NRG3: variants seen among roughly 807,000 people sequenced by gnomAD.
NRG3 encodes pro-neuregulin-3, membrane-bound isoform.
A neutral mutation model predicts 66.9 loss-of-function variants in NRG3; 31 were observed. That is an observed-to-expected ratio of 0.46 (90% confidence interval 0.35 to 0.63). The LOEUF (loss-of-function observed/expected upper bound fraction) is 0.63, where lower values mean the gene tolerates loss of function less well. Among genes scored for constraint, NRG3 ranks in the 20% least tolerant of loss-of-function variants. NRG3 has a pLI of 0.00. For synonymous variants in NRG3, 393 were observed against 359.4 expected (o/e 1.09, Z -1.06); for missense variants, 910 against 878.9 (o/e 1.04, Z -0.45).
At chr10:82,599,580 C>G (rs1167603497) in intron 2 of NRG3, among the ~76,000 whole-genome samples, 3 of 152,050 alleles carry the variant, frequency 2.0e-5, no homozygotes, top group East Asian at 1.9e-4. Context: ...TTTGGGAGAC[C>G]GAGGCAAGTG....
chr10:82,211,452 C>A (rs1163332656), intron 1 of NRG3, among the ~76,000 whole-genome samples: 3 of 152,070 alleles, frequency 2.0e-5, no homozygotes, highest in African/African-American at 7.2e-5. Context: ...GTTTGTTTTG[C>A]TTTCAAGAGA....
chr10:82,089,506 G>C (rs78959671), intron 1 of NRG3, among the ~76,000 whole-genome samples: 10,214 of 152,222 alleles, frequency 0.067, 475 homozygotes, highest in Admixed American at 0.11. Flanking sequence ...AAGCAGCCAG[G>C]GGGTGGAGTG....
rs765593797 is a variant in NRG3 at position 82,985,366 on chromosome 10, G to C, written c.1852G>C (p.Asp618His). ...TGTCAATGTGAGTATTCCAGTCAGC[G>C]ATTGTCTTATAGCAGAACAACAAGA... ...DVVNVSIPVSDCLIAEQQEVK... is the reference protein window; with the variant it reads ...DVVNVSIPVSHCLIAEQQEVK... Residue 618 changes from aspartate to histidine, a missense_variant, in exon 9 of 9, where the codon GAT becomes CAT. By Grantham distance (81) the Asp-to-His change is moderately conservative. Coordinates refer to ENST00000372141, the MANE Select transcript of NRG3 (RefSeq NM_001010848.4). 8 of 1,613,998 alleles carry C rather than the reference G, an allele frequency of 5.0e-6. No homozygotes were observed. Among genetic ancestry groups the C allele is most frequent in the Non-Finnish European group, 6.8e-6 (8 of 1,180,008 alleles).
intron 2 of NRG3, among the ~76,000 whole-genome samples, chr10:82,715,916 CA>C (rs1435257446): frequency 6.6e-6 from 1 of 152,126 alleles, no homozygotes; most frequent in Non-Finnish European, 1.5e-5. Flanking sequence ...GGCAAAAAGA[CA>C]GGGGGCTAGC....
intron 4 of NRG3, among the ~76,000 whole-genome samples, chr10:82,902,187 A>G (rs1844291327): frequency 6.6e-6 from 1 of 152,106 alleles, no homozygotes. Context: ...GTTTGTAAAT[A>G]TTGGGTTTAT....
At chr10:82,008,336 A>C (rs2132608449) in intron 1 of NRG3, among the ~76,000 whole-genome samples, 1 of 152,330 alleles carries the variant, frequency 6.6e-6, no homozygotes, top group African/African-American at 2.4e-5. Flanking sequence ...GACCTTGAGC[A>C]TGTAGAATAC....
At chr10:82,849,581 G>T (rs565654807) in intron 3 of NRG3, among the ~76,000 whole-genome samples, 6 of 152,296 alleles carry the variant, frequency 3.9e-5, no homozygotes, top group African/African-American at 1.4e-4. Context: ...GATAGGAAGT[G>T]CTGCTTTATA....
At chr10:82,102,965 T>TA (rs1174656967) in intron 1 of NRG3, among the ~76,000 whole-genome samples, 2 of 152,154 alleles carry the variant, frequency 1.3e-5, no homozygotes, top group Non-Finnish European at 2.9e-5. Flanking sequence ...TTGAGGCTTC[T>TA]CACTAATATT....
chr10:82,590,370 G>A (rs991817011), intron 2 of NRG3, among the ~76,000 whole-genome samples: 1 of 152,120 alleles, frequency 6.6e-6, no homozygotes, highest in Non-Finnish European at 1.5e-5. Flanking sequence ...AATTTAAGTT[G>A]TATAAAAACA....
intron 2 of NRG3, among the ~76,000 whole-genome samples, chr10:82,412,494 T>A (rs1226320021): frequency 6.6e-6 from 1 of 152,200 alleles, no homozygotes; most frequent in Non-Finnish European, 1.5e-5. Flanking sequence ...CAGTGAGTTA[T>A]AATCCTTTTG....
intron 4 of NRG3, among the ~76,000 whole-genome samples, chr10:82,872,761 C>T (rs1186814932): frequency 4.0e-5 from 6 of 151,538 alleles, no homozygotes; most frequent in Non-Finnish European, 8.8e-5. Context: ...ATTGAATGGG[C>T]TTGGAAAGTT....
intron 4 of NRG3, among the ~76,000 whole-genome samples, chr10:82,900,209 C>T (rs556122572): frequency 6.6e-6 from 1 of 152,152 alleles, no homozygotes; most frequent in Non-Finnish European, 1.5e-5. Context: ...GAGGGATCCC[C>T]TGCCATGGTC....
intron 2 of NRG3, among the ~76,000 whole-genome samples, chr10:82,661,667 A>T (rs1248086480): frequency 6.6e-6 from 1 of 152,134 alleles, no homozygotes; most frequent in East Asian, 1.9e-4. Flanking sequence ...GTGATCAATG[A>T]TGATAAGTCT....
intron 3 of NRG3, among the ~76,000 whole-genome samples, chr10:82,796,007 C>T (rs2060785761): frequency 6.6e-6 from 1 of 151,984 alleles, no homozygotes; most frequent in Admixed American, 6.6e-5. Context: ...CTCTCCTTTA[C>T]CAATCGATTC....
At chr10:82,881,010 T>G (rs1317538942) in intron 4 of NRG3, among the ~76,000 whole-genome samples, 1 of 152,156 alleles carries the variant, frequency 6.6e-6, no homozygotes, top group Admixed American at 6.5e-5. Context: ...ATGAGGAAAC[T>G]TAGCAAAAGG....
intron 1 of NRG3, among the ~76,000 whole-genome samples, chr10:81,932,166 TTGAG>T (rs1321482525): frequency 7.2e-6 from 1 of 138,684 alleles, no homozygotes; most frequent in East Asian, 2.1e-4. Context: ...GAGAGAGAGA[TTGAG>T]AGAGAGGAGA....
chr10:82,586,481 G>A (rs641602), intron 2 of NRG3, among the ~76,000 whole-genome samples: 13,362 of 152,090 alleles, frequency 0.088, 648 homozygotes, highest in East Asian at 0.15. Context: ...GAATGCCTGA[G>A]TTTAATTGCT....
intron 2 of NRG3, among the ~76,000 whole-genome samples, chr10:82,474,760 A>G (rs1841607323): frequency 1.3e-5 from 2 of 152,150 alleles, no homozygotes; most frequent in African/African-American, 2.4e-5. Context: ...ATATACAAAT[A>G]CAAGAAGCTC....
At chr10:82,437,744 T>G (rs2090218854) in intron 2 of NRG3, among the ~76,000 whole-genome samples, 2 of 152,138 alleles carry the variant, frequency 1.3e-5, no homozygotes, top group African/African-American at 4.8e-5. Context: ...TTGTTGTTGT[T>G]GATGATGCTA....
Sources: gnomAD v4.1 joint callset for allele counts (sites outside exome capture counted in the v4.1 genomes callset) on GRCh38, gnomAD v4.1.1 for gene constraint, MANE v1.5 for transcripts, NCBI Gene and HGNC (gene_info 2026-07-23, HGNC 2026-07-21) for gene names.